Variants in SLC9A6 observed in about 807,000 individuals in gnomAD.
SLC9A6 encodes the protein solute carrier family 9 member A6.
Under a neutral mutation model 45.3 loss-of-function variants are expected in SLC9A6, and 6 were observed. That is an observed-to-expected ratio of 0.13 (90% confidence interval 0.07 to 0.26). The LOEUF (loss-of-function observed/expected upper bound fraction) is 0.26. SLC9A6 is among the 10% of genes least tolerant of loss of function. The probability of loss-of-function intolerance (pLI) is 1.00; values close to 1 mark genes in which losing one functional copy is unlikely to be tolerated. For missense variants in SLC9A6, 278 were observed against 503.7 expected (o/e 0.55, Z 4.29); for synonymous variants, 191 against 187.7 (o/e 1.02, Z -0.14).
intron 11 of SLC9A6, among the ~76,000 whole-genome samples, chrX:136,018,245 G>GA (rs2071058339): frequency 8.9e-6 from 1 of 111,800 alleles, no homozygotes. Flanking sequence ...GGAGGTTCGT[G>GA]AAATAGTTGT....
intron 11 of SLC9A6, among the ~76,000 whole-genome samples, chrX:136,021,861 T>C (rs1238256839): frequency 1.8e-5 from 2 of 111,925 alleles, no homozygotes; most frequent in African/African-American, 3.3e-5. Flanking sequence ...TTCCCTTATA[T>C]TTTTCTCAGG....
intron 2 of SLC9A6, among the ~76,000 whole-genome samples, chrX:135,990,060 A>G (rs1556615460): frequency 9.0e-6 from 1 of 111,536 alleles, no homozygotes. Context: ...ATCTCGGCTC[A>G]CTGCAAGCTC....
At chrX:135,986,387 G>A (rs1162713427) in intron 2 of SLC9A6, among the ~76,000 whole-genome samples, 1 of 110,215 alleles carries the variant, frequency 9.1e-6, no homozygotes, top group African/African-American at 3.3e-5. Flanking sequence ...AAAAAAACCC[G>A]AACGTGAAAT....
intron 7 of SLC9A6, among the ~76,000 whole-genome samples, chrX:136,009,618 C>T (rs1057417260): frequency 8.9e-5 from 10 of 112,312 alleles, no homozygotes; most frequent in Non-Finnish European, 1.3e-4. Flanking sequence ...GATTTAGTAA[C>T]GGTAAGCACC....
chrX:135,988,518 C>CTTT (rs2089379550), intron 2 of SLC9A6, among the ~76,000 whole-genome samples: 2 of 86,246 alleles, frequency 2.3e-5, no homozygotes, highest in African/African-American at 8.8e-5. Context: ...TTCTTTCTCT[C>CTTT]TCTTTCTTTC....
At chrX:135,990,911 T>G (rs1309242593) in intron 2 of SLC9A6, among the ~76,000 whole-genome samples, 1 of 112,167 alleles carries the variant, frequency 8.9e-6, no homozygotes, top group African/African-American at 3.2e-5. Flanking sequence ...AGGACAGCTT[T>G]TACTGAGCCT....
At chrX:136,012,326 A>G (rs1287626311) in intron 8 of SLC9A6, among the ~76,000 whole-genome samples, 1 of 112,362 alleles carries the variant, frequency 8.9e-6, no homozygotes, top group Non-Finnish European at 1.9e-5. Context: ...AAGTTCCTTG[A>G]GGGTAGAAAG....
intron 12 of SLC9A6, 115 bp from the exon 13 acceptor site, chrX:136,024,215 C>A: frequency 2.8e-6 from 2 of 724,216 alleles, no homozygotes; most frequent in Non-Finnish European, 4.3e-6. Flanking sequence ...TTAATATTTA[C>A]TGCATATTTG....
chrX:136,011,223 A>G (rs1005400037), intron 8 of SLC9A6, among the ~76,000 whole-genome samples: 1 of 112,227 alleles, frequency 8.9e-6, no homozygotes, highest in Non-Finnish European at 1.9e-5. Context: ...ATCTATAAAA[A>G]CAAATTTTAT....
chrX:136,033,050 A>G (rs1603219592), intron 15 of SLC9A6: 1 of 146,376 alleles, frequency 6.8e-6, no homozygotes, highest in Non-Finnish European at 1.3e-5. Context: ...TTTTAGTAGA[A>G]ACGGGGTTTC....
At chrX:136,010,206 A>ATCTC in intron 7 of SLC9A6, 1 of 392,453 alleles carries the variant, frequency 2.5e-6, no homozygotes, top group Non-Finnish European at 4.5e-6. Context: ...TTTCATATAG[A>ATCTC]GGATTTTACA....
intron 3 of SLC9A6, among the ~76,000 whole-genome samples, chrX:135,996,280 C>T (rs935377313): frequency 9.1e-6 from 1 of 109,638 alleles, no homozygotes; most frequent in African/African-American, 3.3e-5. Flanking sequence ...GAACCACCCA[C>T]CTCAGCCTCC....
At position 136,013,440 on chromosome X, in the gene SLC9A6, A is replaced by G; in HGVS notation, c.1080+3A>G. On this transcript the variant is annotated splice_donor_region_variant and intron_variant, in intron 10 of 17. Transcript: ENST00000630721. ...AGTCTCAGCATAGAACTAAACAGGT[A>G]AGAGGAACTTTATAGTTTGTGAATA... The G allele has an allele frequency of 8.7e-7, 1 of 1,148,865 alleles. No homozygotes were observed. Among genetic ancestry groups the G allele is most frequent in the Non-Finnish European group, 1.2e-6 (1 of 838,879 alleles). 94.7% of individuals were successfully genotyped at this position (1,148,865 alleles called of 1,213,427 possible).
At chrX:135,999,483 TTAATA>T (rs2089551778) in intron 6 of SLC9A6, among the ~76,000 whole-genome samples, 1 of 112,140 alleles carries the variant, frequency 8.9e-6, no homozygotes, top group East Asian at 2.8e-4. Context: ...TTGGAGGACT[TTAATA>T]TACATTAAAG....
At chrX:135,973,843 G>A, upstream of SLC9A6, 2 of 1,161,927 alleles carry the variant, frequency 1.7e-6, no homozygotes, top group Non-Finnish European at 2.3e-6. Context: ...ACGGAAACAG[G>A]AATGCCGGGA....
chrX:136,010,185 C>T (rs992795908), intron 7 of SLC9A6: 5 of 380,510 alleles, frequency 1.3e-5, no homozygotes, highest in Middle Eastern at 1.5e-3. Flanking sequence ...GGGGAAAAAG[C>T]TTGGTGCAAT....
In SLC9A6 at chrX:136,010,395, A is replaced by G. The variant is rs782328886; in HGVS notation, c.744-47A>G. The G allele has an allele frequency of 4.2e-6, 5 of 1,188,231 alleles. No homozygotes were observed. In the South Asian group the frequency reaches 8.9e-5, roughly 21 times the overall value. On this transcript the variant is annotated intron_variant, in intron 7 of 17. Coordinates refer to ENST00000630721, the MANE Select transcript of SLC9A6 (RefSeq NM_001379110.1). ...GCTCTATACTACATAATGTTTTTTT[A>G]AAAGTAAAGGTTGTTTTCAGAAGTA...
intron 16 of SLC9A6, among the ~76,000 whole-genome samples, chrX:136,039,484 A>G (rs1326789387): frequency 1.8e-5 from 2 of 111,150 alleles, no homozygotes; most frequent in Admixed American, 9.6e-5. Flanking sequence ...CTCATGATAC[A>G]TAGTTTTTTA....
At chrX:136,027,330 T>C (rs1401162393) in intron 13 of SLC9A6, among the ~76,000 whole-genome samples, 1 of 111,620 alleles carries the variant, frequency 9.0e-6, no homozygotes, top group Non-Finnish European at 1.9e-5. Flanking sequence ...CGTGACTAGA[T>C]GGTGCCAGTT....
Sources: allele counts gnomAD v4.1 joint callset (sites outside exome capture counted in the v4.1 genomes callset), GRCh38; gene constraint gnomAD v4.1.1; transcripts MANE v1.5; gene names NCBI Gene and HGNC (gene_info 2026-07-23, HGNC 2026-07-21).